TUB: variants seen among roughly 807,000 people sequenced by gnomAD.
The protein encoded by TUB is TUB bipartite transcription factor.
Under a neutral mutation model 59.7 loss-of-function variants are expected in TUB, and 33 were observed. The ratio of observed to expected loss-of-function variants is 0.55; its 90% CI spans 0.42 to 0.74. The LOEUF (loss-of-function observed/expected upper bound fraction) is 0.74, where lower values mean the gene tolerates loss of function less well. Among genes scored for constraint, TUB ranks in the 30% least tolerant of loss-of-function variants. TUB has a pLI of 0.00. For missense variants in TUB, 659 were observed against 672.0 expected, an observed-to-expected ratio of 0.98 and a Z score of 0.21; for synonymous variants, 293 against 256.4, an observed-to-expected ratio of 1.14 and a Z score of -1.36.
upstream of TUB, among the ~76,000 whole-genome samples, chr11:8,080,289 T>G (rs1467936024): frequency 6.6e-6 from 1 of 152,208 alleles, no homozygotes; most frequent in Non-Finnish European, 1.5e-5. Context: ...CCGGATCACC[T>G]GCTCCACACG....
At chr11:8,097,550 G>A (rs576133839) in intron 7 of TUB, 125 bp downstream of exon 7, 3 of 1,403,176 alleles carry the variant, frequency 2.1e-6, no homozygotes, top group South Asian at 2.5e-5. Flanking sequence ...AACTGCCTTC[G>A]TGTCTGGTCT....
At chr11:8,039,711 G>A (rs1008526957) in intron 2 of TUB, 4 of 1,512,528 alleles carry the variant, frequency 2.6e-6, no homozygotes, top group Non-Finnish European at 3.5e-6. Context: ...GAGGGGAGGA[G>A]GGCGTGCCGG....
chr11:8,096,595 G>T, intron 5 of TUB, 90 bp from the exon 6 acceptor site: 1 of 859,396 alleles, frequency 1.2e-6, no homozygotes. Context: ...AGGTGAGTCA[G>T]TGTCTGAACA....
exon 1 of TUB, chr11:8,019,350 C>T: frequency 7.9e-7 from 1 of 1,269,154 alleles, no homozygotes; most frequent in Non-Finnish European, 9.9e-7. Flanking sequence ...GCCGCTGGAG[C>T]TATGACAGGT....
Position 8,094,083 on chromosome 11 carries a change from A to G in TUB, c.291A>G (p.Gly97=), listed in dbSNP as rs909088046. The G allele has an allele frequency of 6.2e-7, 1 of 1,614,110 alleles. No individual in the cohort carries two copies. Among genetic ancestry groups the G allele is most frequent in the East Asian group, 2.2e-5 (1 of 44,872 alleles). The change falls in exon 4 of 12, where the codon GGA becomes GGG. Residue 97 remains glycine (G), a synonymous_variant. Transcript: ENST00000299506. ...ACTCACTCGCCAGTGTGCAGCTGGG[A>G]GCCACGCGCCCAACAGCACCAGCTT... is the stretch of plus-strand genomic sequence containing the variant. ...EADSLASVQL[G]ATRPTAPASA...
At chr11:8,081,137 C>CG (rs1242689658), upstream of TUB, among the ~76,000 whole-genome samples, 5 of 2,100 alleles carry the variant, frequency 2.4e-3, no homozygotes, top group African/African-American at 4.3e-3. Context: ...CTGAGCCGGC[C>CG]GGGGGGTGGG....
intron 2 of TUB, among the ~76,000 whole-genome samples, chr11:8,074,609 C>T (rs1943415953): frequency 6.6e-6 from 1 of 151,844 alleles, no homozygotes; most frequent in African/African-American, 2.4e-5. Context: ...TGTGGTGGTT[C>T]ACACCTGTAG....
In TUB at chr11:8,105,502, A is replaced by C. The variant is rs1294163993; in HGVS notation, c.*3883A>C. On this transcript the variant is annotated 3_prime_UTR_variant, in exon 12 of 12. Transcript: ENST00000299506. ...TAGATTACGACAGGTTTGGTTTTTA[A>C]ATTTTCCAACCAAGTGGAAAGGCAA... 6.6e-6 allele frequency: 1 copy of C among 152,168 alleles called. No individual in the cohort carries two copies. Among genetic ancestry groups the C allele is most frequent in the Non-Finnish European group, 1.5e-5 (1 of 68,038 alleles). 9.4% of individuals were successfully genotyped at this position (152,168 alleles called of 1,614,324 possible). A position where few individuals can be genotyped will look rare whatever the true frequency, so the allele number is the denominator to read the frequency against.
At chr11:8,025,014 G>A (rs1006270779) in intron 1 of TUB, among the ~76,000 whole-genome samples, 2 of 152,218 alleles carry the variant, frequency 1.3e-5, no homozygotes, top group Non-Finnish European at 2.9e-5. Flanking sequence ...TACGTCTTAA[G>A]GTGGGTCCAT....
upstream of TUB, among the ~76,000 whole-genome samples, chr11:8,037,022 T>C (rs1277193529): frequency 6.6e-6 from 1 of 152,212 alleles, no homozygotes; most frequent in Non-Finnish European, 1.5e-5. Flanking sequence ...CTTTGAGATG[T>C]CCTTTTACTC....
chr11:8,065,561 G>A (rs1943223386), intron 2 of TUB, among the ~76,000 whole-genome samples: 1 of 152,242 alleles, frequency 6.6e-6, no homozygotes, highest in African/African-American at 2.4e-5. Context: ...CACTCAGCAA[G>A]AATAGTTGTT....
chr11:8,087,654 T>C (rs955879096), intron 1 of TUB, among the ~76,000 whole-genome samples: 7 of 152,282 alleles, frequency 4.6e-5, no homozygotes, highest in African/African-American at 9.6e-5. Context: ...GTGTATGCAC[T>C]GTGCGTGTGG....
At position 8,101,590 on chromosome 11, in the gene TUB, A is replaced by C; in HGVS notation, c.1492A>C (p.Ser498Arg). The change falls in exon 12 of 12, where the codon AGC becomes CGC. Residue 498 changes from serine (S) to arginine (R), a missense_variant. Physicochemically the swap from Ser to Arg is moderately radical, Grantham distance 110 (BLOSUM62 -1). Around this residue, in one of 3 missense-constraint regions of TUB, gnomAD observed 226 missense variants for 210.8 expected, o/e 1.07. Transcript: ENST00000299506. ...GCAGGCCTTTGCCATTGCCCTGTCC[A>C]GCTTCGACAGCAAGCTGGCGTGCGA... ...ALQAFAIALSSFDSKLACE is the reference protein window; with the variant it reads ...ALQAFAIALSRFDSKLACE The C allele has an allele frequency of 6.2e-7, 1 of 1,614,204 alleles. No homozygotes were observed. The highest frequency in any genetic ancestry group is 8.5e-7 in the Non-Finnish European group (1 of 1,180,028).
intron 2 of TUB, among the ~76,000 whole-genome samples, chr11:8,053,693 G>A (rs1476386131): frequency 6.6e-6 from 1 of 151,282 alleles, no homozygotes; most frequent in East Asian, 2.0e-4. Flanking sequence ...AATAGAGACG[G>A]GGTTTCACCG....
intron 9 of TUB, among the ~76,000 whole-genome samples, chr11:8,100,108 C>T (rs6578929): frequency 0.97 from 148,190 of 152,278 alleles, 72,240 homozygotes; most frequent in Middle Eastern, 1. Context: ...GGAGTCCAGG[C>T]AAAGGCTGTT....
chr11:8,097,317 C>G lies in TUB; in HGVS notation c.777C>G (p.Ala259=). ...TTGAGGAGTTTGCACTGAGGCCGGC[C>G]CCCCAGGGTATCACCATCAAATGCC... ...QDLEEFALRP[A]PQGITIKCRI... Residue 259 remains alanine, a synonymous_variant, in exon 7 of 12, where the codon GCC becomes GCG. Coordinates refer to ENST00000299506, the MANE Select transcript of TUB (RefSeq NM_177972.3). 1.9e-6 allele frequency: 3 copies of G among 1,614,168 alleles called. No individual in the cohort carries two copies. Among genetic ancestry groups the G allele is most frequent in the Non-Finnish European group, 2.5e-6 (3 of 1,180,036 alleles).
Position 8,094,109 on chromosome 11 carries a change from C to T in TUB, c.317C>T (p.Ser106Leu), listed in dbSNP as rs1564920056. 2 of 1,614,210 alleles carry T rather than the reference C, an allele frequency of 1.2e-6. No individual in the cohort carries two copies. The highest frequency in any genetic ancestry group is 2.2e-5 in the East Asian group (1 of 44,882). Reference sequence around the variant, plus strand: ...GCCACGCGCCCAACAGCACCAGCTTCAGCCAAGAGAACCAAGGCGGCAGCT... The same window carrying T: ...GCCACGCGCCCAACAGCACCAGCTTTAGCCAAGAGAACCAAGGCGGCAGCT... ...LGATRPTAPA[S>L]AKRTKAAATA... The change falls in exon 4 of 12, where the codon TCA (serine) becomes TTA (leucine). Residue 106 changes from serine to leucine, a missense_variant. Physicochemically the swap from Ser to Leu is moderately radical, Grantham distance 145. This residue lies in a region of TUB where 321 missense variants were observed against 304.3 expected (regional missense o/e 1.05). Transcript: ENST00000299506.
rs199688428 is a variant in TUB, at chr11:8,039,664, T to C, written c.175T>C (p.Tyr59His). The C allele has an allele frequency of 1.0e-5, 16 of 1,530,714 alleles. No homozygotes were observed. The highest frequency in any genetic ancestry group is 9.7e-5 in the African/African-American group (7 of 72,304). 94.8% of individuals were successfully genotyped at this position (1,530,714 alleles called of 1,614,324 possible). A position where few individuals can be genotyped will look rare whatever the true frequency, so the allele number is the denominator to read the frequency against. The stretch of plus-strand genomic sequence containing the variant: ...CCTCAGGAGAACAACCAGGAGGAAG[T>C]ACTGGAAGGAAGGAAGGGAGATCGC... Residue 59 changes from tyrosine (Y) to histidine (H), a missense_variant, in exon 2 of 13, where the codon TAC (tyrosine) becomes CAC (histidine). Tyr to His is a moderately conservative substitution (Grantham distance 83). Coordinates refer to the TUB transcript ENST00000305253.
In TUB at chr11:8,097,822, C is replaced by G. The variant is rs950521006; in HGVS notation, c.994C>G (p.Leu332Val). The G allele has an allele frequency of 1.2e-6, 2 of 1,613,116 alleles. No homozygotes were observed. Among genetic ancestry groups the G allele is most frequent in the South Asian group, 1.1e-5 (1 of 90,964 alleles). Reference sequence around the variant, plus strand: ...AGGAGGGGACAGCTATATCGGGAAACTGCGGTACTAGCATTCCCCCAGGAA... The same window carrying G: ...AGGAGGGGACAGCTATATCGGGAAAGTGCGGTACTAGCATTCCCCCAGGAA... ...SRGGDSYIGKLRSNLMGTKFT... is the reference protein window; with the variant it reads ...SRGGDSYIGKVRSNLMGTKFT... Residue 332 changes from leucine (L) to valine (V), a missense_variant, in exon 8 of 12, where the codon CTG becomes GTG. Physicochemically the swap from Leu to Val is conservative, Grantham distance 32. This residue lies in a region of TUB where 112 missense variants were observed against 156.9 expected (regional missense o/e 0.71). Coordinates refer to ENST00000299506, the MANE Select transcript of TUB (RefSeq NM_177972.3).
Sources: allele counts gnomAD v4.1 joint callset (sites outside exome capture counted in the v4.1 genomes callset), GRCh38; gene constraint gnomAD v4.1.1; regional missense constraint gnomAD v4.1.1; transcripts MANE v1.5; gene names NCBI Gene and HGNC (gene_info 2026-07-23, HGNC 2026-07-21).